The following NCF4 variants were observed in gnomAD, a reference collection of about 807,000 sequenced individuals.
NCF4 encodes neutrophil cytosolic factor 4.
A neutral mutation model predicts 41.7 loss-of-function variants in NCF4; 30 were observed. The observed-to-expected ratio is 0.72, with a 90% CI of 0.54 to 0.97. The LOEUF (loss-of-function observed/expected upper bound fraction) is 0.97. NCF4 is among the 50% of genes least tolerant of loss of function. The probability of loss-of-function intolerance (pLI) is 0.00; values close to 1 mark genes in which losing one functional copy is unlikely to be tolerated. For missense variants in NCF4, 432 were observed against 460.9 expected, an observed-to-expected ratio of 0.94 and a Z score of 0.57; for synonymous variants, 195 against 175.8, an observed-to-expected ratio of 1.11 and a Z score of -0.87.
rs1405778408 is a variant in NCF4, at chr22:36,872,398, C to T, written c.600C>T (p.Leu200=). Residue 200 remains leucine (L), a synonymous_variant, in exon 7 of 10, where the codon CTC becomes CTT. Transcript: ENST00000248899. ...NFKAGDVIFL[L]SRINKDWLEG... ...AAGCTGGAGATGTGATCTTCCTCCT[C>T]AGTCGGATCAACAAAGACTGGCTGG... 1 of 1,612,678 alleles carries T rather than the reference C, an allele frequency of 6.2e-7. No individual in the cohort carries two copies. The highest frequency in any genetic ancestry group is 1.1e-5 in the South Asian group (1 of 91,044).
At chr22:36,872,614 AAGGTGAGATTGG>A (rs1940089074) in intron 7 of NCF4, among the ~76,000 whole-genome samples, 189 bp downstream of exon 7, 1 of 55,764 alleles carries the variant, frequency 1.8e-5, no homozygotes, top group African/African-American at 7.0e-5. Context: ...GGTGAGGATG[AAGGTGAGATTGG>A]AGGTGAGGGT....
Position 36,864,295 on chromosome 22 carries a change from G to T in NCF4, c.117+166G>T, listed in dbSNP as rs376037880. 2.5e-4 allele frequency among the ~76,000 whole-genome samples: 38 copies of T among 152,282 alleles called. No homozygotes were observed. In the South Asian group the frequency reaches 7.9e-3, roughly 32 times the overall value. On this transcript the variant is annotated intron_variant, in intron 2 of 9. Transcript: ENST00000248899. Reference sequence around the variant, plus strand: ...TTGCCCATTTGACATTACCCTGGGAGATTCTGATTATTGCATCTTGGGGCA... The same window carrying T: ...TTGCCCATTTGACATTACCCTGGGATATTCTGATTATTGCATCTTGGGGCA...
intron 7 of NCF4, among the ~76,000 whole-genome samples, chr22:36,874,612 G>C (rs1329699169): frequency 6.6e-6 from 1 of 152,156 alleles, no homozygotes; most frequent in Non-Finnish European, 1.5e-5. Flanking sequence ...CAGTATGCTG[G>C]CTAACTTCTG....
At position 36,870,636 on chromosome 22, in the gene NCF4, C is replaced by T. The variant is rs769179379; in HGVS notation, c.470+94C>T. The T allele has an allele frequency of 1.5e-5, 22 of 1,504,824 alleles. No homozygotes were observed. The African/African-American group carries it at 2.9e-4, about 20-fold the overall frequency. 93.2% of individuals were successfully genotyped at this position (1,504,824 alleles called of 1,614,324 possible). A position where few individuals can be genotyped will look rare whatever the true frequency, so the allele number is the denominator to read the frequency against. ...TCCCTGAAAGGAGAGAAGGAAAATA[C>T]AGATCAGCCATATCCCTGGACACTC... is the stretch of plus-strand genomic sequence containing the variant. On this transcript the variant is annotated intron_variant, in intron 5 of 9. Transcript: ENST00000248899.
rs756196818 is a variant in NCF4, at chr22:36,875,795, G to C, written c.758+12G>C. 1.9e-6 allele frequency: 3 copies of C among 1,614,142 alleles called. No individual in the cohort carries two copies. Among genetic ancestry groups the C allele is most frequent in the Non-Finnish European group, 2.5e-6 (3 of 1,180,018 alleles). On this transcript the variant is annotated intron_variant, in intron 8 of 9. Coordinates refer to ENST00000248899, the MANE Select transcript of NCF4 (RefSeq NM_000631.5). Reference sequence around the variant, plus strand: ...ATCAGCACCATCAAGTCTGTGGCCTGGGAGGGAGGGGCCTGTCCAGCCTTC... The same window carrying C: ...ATCAGCACCATCAAGTCTGTGGCCTCGGAGGGAGGGGCCTGTCCAGCCTTC...
At chr22:36,869,815 C>T (rs1167401589) in intron 4 of NCF4, among the ~76,000 whole-genome samples, 2 of 152,216 alleles carry the variant, frequency 1.3e-5, no homozygotes, top group African/African-American at 4.8e-5. Flanking sequence ...CTCCAAGCAT[C>T]AGTTTCCTCA....
Position 36,877,744 on chromosome 22 carries a change from C to T in NCF4, c.941C>T (p.Pro314Leu), listed in dbSNP as rs200966942. 3 of 1,614,066 alleles carry T rather than the reference C, an allele frequency of 1.9e-6. No individual in the cohort carries two copies. ...ALMVRQARGL[P>L]SQKRLFPWKL... ...ATGGTGCGGCAGGCTCGTGGCCTCC[C>T]CTCCCAGAAGCGCCTCTTCCCCTGG... is the stretch of plus-strand genomic sequence containing the variant. The change falls in exon 10 of 10, where the codon CCC (proline) becomes CTC (leucine). Residue 314 changes from proline (P) to leucine (L), a missense_variant. Pro to Leu is a moderately conservative substitution (Grantham distance 98). Transcript: ENST00000248899.
chr22:36,870,647 T>C (rs1940035045), intron 5 of NCF4, 105 bp downstream of exon 5: 1 of 1,463,910 alleles, frequency 6.8e-7, no homozygotes, highest in Non-Finnish European at 9.3e-7. Context: ...AGATCAGCCA[T>C]ATCCCTGGAC....
intron 1 of NCF4, among the ~76,000 whole-genome samples, chr22:36,863,406 T>C (rs1411154375): frequency 1.3e-5 from 2 of 151,576 alleles, no homozygotes; most frequent in Non-Finnish European, 2.9e-5. Context: ...GTGCTGCGCC[T>C]ATGCCTCGAG....
Position 36,867,386 on chromosome 22 carries a change from T to G in NCF4, c.272-6T>G. 6.2e-7 allele frequency: 1 copy of G among 1,614,138 alleles called. No individual in the cohort carries two copies. Among genetic ancestry groups the G allele is most frequent in the East Asian group, 2.2e-5 (1 of 44,872 alleles). ...GCTCCTAGGACAGCTCTTTGTCTCTTCTCAGCCAAAGTCTACGTGGGTGTG... is the reference window on the plus strand; with the variant it reads ...GCTCCTAGGACAGCTCTTTGTCTCTGCTCAGCCAAAGTCTACGTGGGTGTG... On this transcript the variant is annotated splice_region_variant and splice_polypyrimidine_tract_variant and intron_variant, in intron 3 of 9. Transcript: ENST00000248899.
At chr22:36,868,661 AAGGG>A (rs1291115041) in intron 4 of NCF4, among the ~76,000 whole-genome samples, 1 of 147,946 alleles carries the variant, frequency 6.8e-6, no homozygotes. Context: ...GTGGGCTGTG[AAGGG>A]AGGGAGGGAG....
chr22:36,875,980 C>A lies in NCF4; in HGVS notation c.759-49C>A, dbSNP rs766613420. 12 of 1,613,858 alleles carry A rather than the reference C, an allele frequency of 7.4e-6. No individual in the cohort carries two copies. The East Asian group carries it at 2.5e-4, about 33-fold the overall frequency. The stretch of plus-strand genomic sequence containing the variant: ...TCATTCCCCTTTCCCCCACCCCACA[C>A]CCCACTTCCAGCCTGATGCCTCCTT... On this transcript the variant is annotated intron_variant, in intron 8 of 9. Transcript: ENST00000248899.
intron 6 of NCF4, 92 bp downstream of exon 6, chr22:36,871,801 T>A: frequency 7.1e-7 from 1 of 1,399,388 alleles, no homozygotes; most frequent in Non-Finnish European, 9.9e-7. Flanking sequence ...TGCTGGGTGC[T>A]GCTGTGTGCC....
intron 4 of NCF4, 106 bp downstream of exon 4, chr22:36,867,568 C>T: frequency 8.0e-7 from 1 of 1,242,302 alleles, no homozygotes; most frequent in Non-Finnish European, 1.2e-6. Context: ...GGCTGGCTCT[C>T]TGGCTCTGAT....
At chr22:36,864,713 T>C (rs1350705652) in intron 2 of NCF4, among the ~76,000 whole-genome samples, 5 of 151,888 alleles carry the variant, frequency 3.3e-5, no homozygotes, top group Non-Finnish European at 7.4e-5. Context: ...GTTTTTTTTT[T>C]CTTTTCTTTT....
intron 2 of NCF4, 135 bp from the exon 3 acceptor site, chr22:36,864,784 C>A (rs1328706664): frequency 9.5e-7 from 1 of 1,048,926 alleles, no homozygotes; most frequent in Non-Finnish European, 1.4e-6. Context: ...TGACAGGGGT[C>A]TCCTTCTCCA....
intron 3 of NCF4, among the ~76,000 whole-genome samples, chr22:36,866,589 C>T (rs986488549): frequency 6.6e-6 from 1 of 152,088 alleles, no homozygotes; most frequent in Admixed American, 6.6e-5. Context: ...CTCCTAACTC[C>T]CAATGTCTAG....
rs1368464227 is a variant in NCF4 at position 36,865,869 on chromosome 22, C to G, written c.271+797C>G. On this transcript the variant is annotated intron_variant, in intron 3 of 9. Transcript: ENST00000248899. The surrounding 1 kb of genome is among the most constrained non-coding windows in gnomAD (Gnocchi z 4.3). ...GTCTCAGCATATGACCCCGCTCCTT[C>G]TCATCCAGCCCCACCAAGGAACTTG... is the stretch of plus-strand genomic sequence containing the variant. Among the ~76,000 whole-genome samples, 1 of 152,138 alleles carries G rather than the reference C, an allele frequency of 6.6e-6. No individual in the cohort carries two copies. The highest frequency in any genetic ancestry group is 1.5e-5 in the Non-Finnish European group (1 of 68,032).
Position 36,871,544 on chromosome 22 carries a change from C to T in NCF4, c.471-108C>T, listed in dbSNP as rs1024615665. 3 of 1,254,058 alleles carry T rather than the reference C, an allele frequency of 2.4e-6. No homozygotes were observed. The African/African-American group carries it at 4.5e-5, about 19-fold the overall frequency. 77.7% of individuals were successfully genotyped at this position (1,254,058 alleles called of 1,614,324 possible). On this transcript the variant is annotated intron_variant, in intron 5 of 9. Transcript: ENST00000248899. The stretch of plus-strand genomic sequence containing the variant: ...GCAGCCACATTTCAGCATCTTCTGT[C>T]TCCTCTGCCTTCCCTGCTCCTTGCA...
Sources: allele counts gnomAD v4.1 joint callset (sites outside exome capture counted in the v4.1 genomes callset), GRCh38; gene constraint gnomAD v4.1.1; non-coding constraint Gnocchi (gnomAD v3.1); transcripts MANE v1.5; gene names NCBI Gene and HGNC (gene_info 2026-07-23, HGNC 2026-07-21).